The following WASL variants were observed in gnomAD, a reference collection of about 807,000 sequenced individuals.
WASL encodes the protein actin nucleation-promoting factor WASL.
WASL carries 20 observed loss-of-function variants against 55.5 expected under a neutral mutation model. The observed-to-expected ratio is 0.36, with a 90% CI of 0.25 to 0.52. The LOEUF is 0.52. Ranked by LOEUF, WASL falls within the 20% of genes least tolerant of loss-of-function variation. The pLI is 0.92. For synonymous variants in WASL, 249 were observed against 217.6 expected (o/e 1.14, Z -1.27); for missense variants, 504 against 622.5 (o/e 0.81, Z 2.03).
intron 1 of WASL, among the ~76,000 whole-genome samples, chr7:123,726,636 G>A (rs999245439): frequency 7.6e-4 from 116 of 152,296 alleles, no homozygotes; most frequent in African/African-American, 2.7e-3. Flanking sequence ...AGGCCAAGGC[G>A]GGTGGATTAC....
intron 5 of WASL, among the ~76,000 whole-genome samples, chr7:123,699,908 G>C (rs1404522815): frequency 6.6e-6 from 1 of 152,030 alleles, no homozygotes; most frequent in Admixed American, 6.5e-5. Flanking sequence ...CGGGCGCGGT[G>C]GCTCACGCCT....
At chr7:123,732,214 C>T (rs1326190424) in intron 1 of WASL, among the ~76,000 whole-genome samples, 3 of 152,036 alleles carry the variant, frequency 2.0e-5, no homozygotes, top group African/African-American at 4.8e-5. Flanking sequence ...CCTGTAGTCC[C>T]GGCTACTCAG....
At chr7:123,733,913 C>CAAA (rs33913069) in intron 1 of WASL, among the ~76,000 whole-genome samples, 16 of 110,764 alleles carry the variant, frequency 1.4e-4, no homozygotes, top group African/African-American at 4.2e-4. Context: ...ATCCACGTGC[C>CAAA]AAAAAAAAAA....
At chr7:123,703,300 A>G (rs1481901368) in intron 5 of WASL, among the ~76,000 whole-genome samples, 1 of 152,160 alleles carries the variant, frequency 6.6e-6, no homozygotes, top group Non-Finnish European at 1.5e-5. Flanking sequence ...GACCTTGAGC[A>G]AGTTACCTAT....
Position 123,748,838 on chromosome 7 carries a change from G to A in WASL, c.-104C>T. The A allele has an allele frequency of 3.1e-6, 3 of 958,048 alleles. No homozygotes were observed. The highest frequency in any genetic ancestry group is 4.5e-6 in the Non-Finnish European group (3 of 668,296). The allele number at this position is 958,048 out of a possible 1,614,324, so 59.3% of individuals were successfully genotyped here. A position where few individuals can be genotyped will look rare whatever the true frequency, so the allele number is the denominator to read the frequency against. ...AGGGGCGGGGAGAAGTGGAGTCAGAGGCGCCACATCTCGCAGCTCCTCCGG... is the reference window on the plus strand; with the variant it reads ...AGGGGCGGGGAGAAGTGGAGTCAGAAGCGCCACATCTCGCAGCTCCTCCGG... On this transcript the variant is annotated 5_prime_UTR_variant, in exon 1 of 11. Coordinates refer to ENST00000223023, the MANE Select transcript of WASL (RefSeq NM_003941.4).
rs1804497497 is a variant in WASL, at chr7:123,748,964, T to A, written c.-230A>T. 3.6e-6 allele frequency: 2 copies of A among 550,058 alleles called. No individual in the cohort carries two copies. The highest frequency in any genetic ancestry group is 4.0e-5 in the African/African-American group (2 of 50,316). 34.1% of individuals were successfully genotyped at this position (550,058 alleles called of 1,614,324 possible). A position where few individuals can be genotyped will look rare whatever the true frequency, so the allele number is the denominator to read the frequency against. ...GCTCCCGGCACCCGCCCGGCCAGGC[T>A]AGGGCCGGATGGTCGTTGTCCTCGC... On this transcript the variant is annotated 5_prime_UTR_variant, in exon 1 of 11. Coordinates refer to ENST00000223023, the MANE Select transcript of WASL (RefSeq NM_003941.4).
intron 1 of WASL, among the ~76,000 whole-genome samples, chr7:123,714,364 A>C (rs529146452): frequency 3.5e-4 from 53 of 152,258 alleles, no homozygotes; most frequent in Non-Finnish European, 6.9e-4. Flanking sequence ...AAGAGAAAAC[A>C]AACAAAAACA....
At chr7:123,748,479 GGGCCGGGGCCGGGGCCGGGGCTGGCGGGA>G (rs1804480037) in intron 1 of WASL, 110 bp downstream of exon 1, 2 of 729,058 alleles carry the variant, frequency 2.7e-6, no homozygotes, top group Non-Finnish European at 4.0e-6. Flanking sequence ...CGCCGACGAG[GGGCCGGGGCCGGGGCCGGGGCTGGCGGGA>G]GGCCTGGCCC....
chr7:123,715,218 T>C (rs893493604), intron 1 of WASL, among the ~76,000 whole-genome samples: 17 of 152,300 alleles, frequency 1.1e-4, no homozygotes, highest in Admixed American at 1.0e-3. Context: ...CTTGTTTTGA[T>C]GAAGAAGACA....
chr7:123,692,891 A>G (rs780452647), intron 8 of WASL, 24 bp from the exon 9 acceptor site: 17 of 1,345,808 alleles, frequency 1.3e-5, no homozygotes, highest in Non-Finnish European at 1.6e-5. Flanking sequence ...AGAAAAAAAG[A>G]AGGCATGCTT....
intron 1 of WASL, among the ~76,000 whole-genome samples, chr7:123,733,742 G>A (rs942256938): frequency 6.6e-6 from 1 of 152,064 alleles, no homozygotes; most frequent in Non-Finnish European, 1.5e-5. Context: ...CAGTAATCAG[G>A]CAGTGTGGCC....
At chr7:123,707,498 T>C (rs796542845) in intron 2 of WASL, among the ~76,000 whole-genome samples, 24 of 152,280 alleles carry the variant, frequency 1.6e-4, no homozygotes, top group African/African-American at 4.3e-4. Context: ...AAAATATGTT[T>C]AATCTTAATA....
chr7:123,716,486 G>C (rs986672113), intron 1 of WASL, among the ~76,000 whole-genome samples: 1 of 151,890 alleles, frequency 6.6e-6, no homozygotes. Flanking sequence ...GAACTCAGGC[G>C]ATCTGCTTGC....
chr7:123,714,378 C>A (rs925091254), intron 1 of WASL, among the ~76,000 whole-genome samples: 6 of 151,998 alleles, frequency 3.9e-5, no homozygotes, highest in African/African-American at 1.2e-4. Context: ...AAAAACAGTA[C>A]ACGTTTTAAA....
chr7:123,730,735 G>A (rs1459871651), intron 1 of WASL, among the ~76,000 whole-genome samples: 3 of 152,280 alleles, frequency 2.0e-5, no homozygotes, highest in South Asian at 2.1e-4. Context: ...AAAGAAGACT[G>A]TCAGAATGGG....
intron 5 of WASL, 79 bp downstream of exon 5, chr7:123,704,555 T>C (rs1471628358): frequency 1.8e-6 from 2 of 1,141,670 alleles, no homozygotes; most frequent in Non-Finnish European, 2.5e-6. Context: ...TAAATATTAC[T>C]AATGTATGGT....
Position 123,748,935 on chromosome 7 carries a change from G to T in WASL, c.-201C>A, listed in dbSNP as rs970448433. The stretch of plus-strand genomic sequence containing the variant: ...CCACCTTCGCGCCGCGCTGAGAAAG[G>T]GAAGCTCCCGGCACCCGCCCGGCCA... On this transcript the variant is annotated 5_prime_UTR_variant, in exon 1 of 11. Coordinates refer to ENST00000223023, the MANE Select transcript of WASL (RefSeq NM_003941.4). 11 of 568,276 alleles carry T rather than the reference G, an allele frequency of 1.9e-5. No homozygotes were observed. Among genetic ancestry groups the T allele is most frequent in the Non-Finnish European group, 2.8e-5 (9 of 323,768 alleles). The allele number at this position is 568,276 out of a possible 1,614,324, so 35.2% of individuals were successfully genotyped here. A position where few individuals can be genotyped will look rare whatever the true frequency, so the allele number is the denominator to read the frequency against.
intron 1 of WASL, among the ~76,000 whole-genome samples, chr7:123,726,939 T>C (rs1223120562): frequency 6.6e-6 from 1 of 152,118 alleles, no homozygotes; most frequent in African/African-American, 2.4e-5. Context: ...TCTCTAACAA[T>C]AATCTTGTGT....
rs917261359 is a variant in WASL, at chr7:123,682,200, A to G, written c.*2319T>C. ...TGCAAAGGCTACCAGACGACCATTT[A>G]GCTGGAGAATATACGGAAGGCTTTC... On this transcript the variant is annotated 3_prime_UTR_variant, in exon 11 of 11. Transcript: ENST00000223023. 3 of 152,176 alleles carry G rather than the reference A, an allele frequency of 2.0e-5. No homozygotes were observed. In the South Asian group the frequency reaches 6.2e-4, roughly 32 times the overall value. The allele number at this position is 152,176 out of a possible 1,614,324, so 9.4% of individuals were successfully genotyped here.
Sources: allele counts gnomAD v4.1 joint callset (sites outside exome capture counted in the v4.1 genomes callset), GRCh38; gene constraint gnomAD v4.1.1; transcripts MANE v1.5; gene names NCBI Gene and HGNC (gene_info 2026-07-23, HGNC 2026-07-21).